CNTNAP2: variants seen among roughly 807,000 people sequenced by gnomAD.
The protein encoded by CNTNAP2 is contactin-associated protein-like 2.
Under a neutral mutation model 155.2 loss-of-function variants are expected in CNTNAP2, and 98 were observed. That is an observed-to-expected ratio of 0.63 (90% CI 0.54 to 0.75). The LOEUF (loss-of-function observed/expected upper bound fraction) is 0.75. Ranked by LOEUF, CNTNAP2 falls within the 30% of genes least tolerant of loss-of-function variation. The pLI is 0.00. For missense variants in CNTNAP2, 1,727 were observed against 1,688.1 expected, an observed-to-expected ratio of 1.02 and a Z score of -0.40; for synonymous variants, 651 against 631.2, an observed-to-expected ratio of 1.03 and a Z score of -0.47.
intron 13 of CNTNAP2, among the ~76,000 whole-genome samples, chr7:147,886,260 G>T (rs1017375078): frequency 1.3e-5 from 2 of 151,972 alleles, no homozygotes; most frequent in Non-Finnish European, 2.9e-5. Flanking sequence ...ATTGCTTGAG[G>T]CTAGGCATTC....
chr7:148,059,315 G>T (rs1283713656), intron 15 of CNTNAP2, among the ~76,000 whole-genome samples: 4 of 151,892 alleles, frequency 2.6e-5, no homozygotes, highest in African/African-American at 9.7e-5. Context: ...AAAAGGTCTG[G>T]CACGGTGGCT....
chr7:147,932,715 A>C (rs1259871918), intron 14 of CNTNAP2, among the ~76,000 whole-genome samples: 1 of 152,220 alleles, frequency 6.6e-6, no homozygotes, highest in Non-Finnish European at 1.5e-5. Context: ...CAAGAGGTAT[A>C]CTATGTCAAA....
intron 1 of CNTNAP2, among the ~76,000 whole-genome samples, chr7:146,713,601 C>G (rs1175671096): frequency 2.0e-5 from 3 of 152,162 alleles, no homozygotes; most frequent in African/African-American, 4.8e-5. Flanking sequence ...CTTTCTGCAT[C>G]AAATAATGAA....
intron 15 of CNTNAP2, among the ~76,000 whole-genome samples, chr7:148,075,049 C>A (rs1803459019): frequency 6.6e-6 from 1 of 152,186 alleles, no homozygotes; most frequent in Non-Finnish European, 1.5e-5. Flanking sequence ...AAGAATATTT[C>A]TCCTTCCCAT....
chr7:148,308,317 A>G (rs1320279470), intron 21 of CNTNAP2, among the ~76,000 whole-genome samples: 1 of 152,046 alleles, frequency 6.6e-6, no homozygotes, highest in Non-Finnish European at 1.5e-5. Flanking sequence ...TGTTCACTGC[A>G]GAAAACTTGG....
intron 12 of CNTNAP2, among the ~76,000 whole-genome samples, chr7:147,583,374 T>A (rs975376972): frequency 6.6e-6 from 1 of 151,758 alleles, no homozygotes; most frequent in Admixed American, 6.6e-5. Flanking sequence ...ATAAAATTCC[T>A]CTCCATTGGA....
intron 13 of CNTNAP2, among the ~76,000 whole-genome samples, chr7:147,897,239 A>C (rs1310436737): frequency 6.6e-6 from 1 of 152,246 alleles, no homozygotes; most frequent in Non-Finnish European, 1.5e-5. Flanking sequence ...GCAAATTATT[A>C]CTGTCTGCAA....
chr7:146,138,032 G>A (rs1797822269), intron 1 of CNTNAP2, among the ~76,000 whole-genome samples: 1 of 151,784 alleles, frequency 6.6e-6, no homozygotes, highest in South Asian at 2.1e-4. Flanking sequence ...TTTGGTTTTT[G>A]CAAACTACAT....
rs775446723 is a variant in CNTNAP2 at position 146,151,682 on chromosome 7, GTA to G, written c.97+34723_97+34724del. The stretch of plus-strand genomic sequence containing the variant: ...TATATATATATATATATATATATAT[GTA>G]TATATATATATATGTATATATATAT... On this transcript the variant is annotated intron_variant, in intron 1 of 23. Coordinates refer to ENST00000361727, the MANE Select transcript of CNTNAP2 (RefSeq NM_014141.6). 5.3e-3 allele frequency among the ~76,000 whole-genome samples: 393 copies of G among 73,998 alleles called. 3 individuals are homozygous for G. Among genetic ancestry groups the G allele is most frequent in the African/African-American group, 0.014 (361 of 25,020 alleles). The allele number at this position is 73,998 out of a possible 152,430, so 48.5% of individuals were successfully genotyped here.
chr7:148,079,424 T>C (rs1803555649), intron 15 of CNTNAP2, among the ~76,000 whole-genome samples: 1 of 152,164 alleles, frequency 6.6e-6, no homozygotes, highest in African/African-American at 2.4e-5. Context: ...GAAGGGAGTG[T>C]CTGGATTAAG....
intron 13 of CNTNAP2, among the ~76,000 whole-genome samples, chr7:147,797,485 GAT>G (rs1400004220): frequency 6.6e-6 from 1 of 152,028 alleles, no homozygotes; most frequent in Admixed American, 6.6e-5. Context: ...TAAGCTGTTT[GAT>G]AACAACCATC....
chr7:146,574,218 CAAAA>C (rs1554450600), intron 1 of CNTNAP2, among the ~76,000 whole-genome samples: 2 of 126,254 alleles, frequency 1.6e-5, no homozygotes, highest in Non-Finnish European at 3.5e-5. Flanking sequence ...CAAAACAAAA[CAAAA>C]ATAACACGCA....
chr7:147,405,378 C>T (rs4725716), intron 10 of CNTNAP2, among the ~76,000 whole-genome samples: 24,858 of 152,046 alleles, frequency 0.16, 2,179 homozygotes, highest in African/African-American at 0.18. Flanking sequence ...ATTGCAGTTA[C>T]GATTTCACAC....
chr7:146,904,736 G>T (rs948474284), intron 3 of CNTNAP2, among the ~76,000 whole-genome samples: 11 of 152,298 alleles, frequency 7.2e-5, no homozygotes, highest in Middle Eastern at 3.4e-3. Flanking sequence ...CTCCCAAAGT[G>T]CTGGGATTAC....
chr7:147,666,968 A>G (rs893874895), intron 13 of CNTNAP2, among the ~76,000 whole-genome samples: 1 of 152,202 alleles, frequency 6.6e-6, no homozygotes, highest in Non-Finnish European at 1.5e-5. Context: ...TCAGATATGG[A>G]GAAACTTCTA....
At chr7:146,943,140 T>C (rs1470510030) in intron 3 of CNTNAP2, among the ~76,000 whole-genome samples, 1 of 152,224 alleles carries the variant, frequency 6.6e-6, no homozygotes, top group African/African-American at 2.4e-5. Flanking sequence ...CCATAAGCCT[T>C]ACTTGTAATA....
At chr7:147,566,658 A>C (rs573300598) in intron 12 of CNTNAP2, among the ~76,000 whole-genome samples, 74 of 152,206 alleles carry the variant, frequency 4.9e-4, no homozygotes, top group African/African-American at 1.7e-3. Flanking sequence ...AGAACTCACT[A>C]TTATGAGAAG....
intron 1 of CNTNAP2, among the ~76,000 whole-genome samples, chr7:146,721,558 C>T (rs1218402118): frequency 1.9e-4 from 20 of 106,000 alleles, no homozygotes; most frequent in African/African-American, 4.0e-4. Flanking sequence ...ATTCTATATA[C>T]ATTCTATATA....
At chr7:146,233,597 T>G (rs543859720) in intron 1 of CNTNAP2, among the ~76,000 whole-genome samples, 182 of 152,188 alleles carry the variant, frequency 1.2e-3, no homozygotes, top group Non-Finnish European at 2.2e-3. Context: ...GTATATCTCC[T>G]AAAGCTATCC....
Sources: gnomAD v4.1 joint callset for allele counts (sites outside exome capture counted in the v4.1 genomes callset) on GRCh38, gnomAD v4.1.1 for gene constraint, MANE v1.5 for transcripts, NCBI Gene and HGNC (gene_info 2026-07-23, HGNC 2026-07-21) for gene names.